ECHDC1: variants seen among roughly 807,000 people sequenced by gnomAD.
ECHDC1 encodes the protein ethylmalonyl-CoA decarboxylase.
A neutral mutation model predicts 29.7 loss-of-function variants in ECHDC1; 29 were observed. That is an observed-to-expected ratio of 0.98 (90% CI 0.73 to 1.33). The LOEUF (loss-of-function observed/expected upper bound fraction) is 1.33, where lower values mean the gene tolerates loss of function less well. Among genes scored for constraint, ECHDC1 ranks in the 40% most tolerant of loss-of-function variants. The pLI, the probability that ECHDC1 is intolerant of heterozygous loss-of-function variation, is 0.00. For missense variants in ECHDC1, 328 were observed against 350.0 expected, an observed-to-expected ratio of 0.94 and a Z score of 0.50; for synonymous variants, 126 against 123.1, an observed-to-expected ratio of 1.02 and a Z score of -0.15.
At chr6:127,342,275 T>A in intron 1 of ECHDC1, 1 of 1,414,458 alleles carries the variant, frequency 7.1e-7, no homozygotes, top group East Asian at 2.5e-5. Context: ...AAAGATAATA[T>A]TCTTAAGACT....
At position 127,289,892 on chromosome 6, in the gene ECHDC1, T is replaced by G. The variant is rs1430432015; in HGVS notation, c.883A>C (p.Lys295Gln). Residue 295 changes from lysine to glutamine, a missense_variant, in exon 6 of 6, where the codon AAG becomes CAG. Physicochemically the swap from Lys to Gln is moderately conservative, Grantham distance 53 (BLOSUM62 1). Transcript: ENST00000454859. ...AATTATTTATTAAATTTTCCTTTCT[T>G]AGCAATAGCCTCTAAATTTGCAGGC... ...GGPANLEAIA[K>Q]KGKFNK The G allele has an allele frequency of 6.2e-7, 1 of 1,608,694 alleles. No homozygotes were observed. Among genetic ancestry groups the G allele is most frequent in the Non-Finnish European group, 8.5e-7 (1 of 1,177,784 alleles).
intron 1 of ECHDC1, among the ~76,000 whole-genome samples, chr6:127,337,099 A>G (rs1415417079): frequency 6.6e-6 from 1 of 152,198 alleles, no homozygotes; most frequent in African/African-American, 2.4e-5. Context: ...TTACTTTTCA[A>G]TCTGACTCTG....
chr6:127,293,504 CAA>C (rs951599230), intron 5 of ECHDC1, among the ~76,000 whole-genome samples: 1 of 152,058 alleles, frequency 6.6e-6, no homozygotes, highest in African/African-American at 2.4e-5. Context: ...AAACATGGTA[CAA>C]AGAGGAGAGG....
At chr6:127,313,442 A>T (rs1462145455) in intron 5 of ECHDC1, 3 of 367,178 alleles carry the variant, frequency 8.2e-6, no homozygotes, top group Non-Finnish European at 1.7e-5. Flanking sequence ...ACCTCAGGTG[A>T]TCTGCCTATT....
At chr6:127,338,151 T>C (rs563942839) in intron 1 of ECHDC1, among the ~76,000 whole-genome samples, 1 of 152,308 alleles carries the variant, frequency 6.6e-6, no homozygotes, top group African/African-American at 2.4e-5. Context: ...TATAGACATA[T>C]ATGCATATGT....
At chr6:127,311,669 C>CAAAAAAAAAAAAAAAAAAAAAAAAAAAA (rs71272311) in intron 5 of ECHDC1, among the ~76,000 whole-genome samples, 40 of 25,046 alleles carry the variant, frequency 1.6e-3, no homozygotes, top group Non-Finnish European at 2.5e-3. Context: ...GGCTCTGTCT[C>CAAAAAAAAAAAAAAAAAAAAAAAAAAAA]AAAAAAAAAA....
At chr6:127,292,914 T>C (rs6914921) in intron 5 of ECHDC1, among the ~76,000 whole-genome samples, 45,432 of 151,928 alleles carry the variant, frequency 0.3, 8,557 homozygotes, top group Non-Finnish European at 0.43. Context: ...TTTTGACAAG[T>C]AAAAGAATGA....
At chr6:127,330,478 G>T (rs1783820128) in intron 2 of ECHDC1, among the ~76,000 whole-genome samples, 1 of 151,982 alleles carries the variant, frequency 6.6e-6, no homozygotes, top group Non-Finnish European at 1.5e-5. Flanking sequence ...CTTTCTCCTT[G>T]TTTCCTAGTA....
At chr6:127,323,063 C>T (rs913078515) in intron 3 of ECHDC1, among the ~76,000 whole-genome samples, 4 of 151,830 alleles carry the variant, frequency 2.6e-5, no homozygotes, top group Non-Finnish European at 1.5e-5. Flanking sequence ...GTTTTGCGTA[C>T]AAAATTAATG....
intron 3 of ECHDC1, chr6:127,326,609 T>G (rs550404138): frequency 9.8e-6 from 4 of 408,450 alleles, no homozygotes; most frequent in South Asian, 6.0e-5. Flanking sequence ...ATTAAAAATA[T>G]TTTTTAAAAA....
In ECHDC1 at chr6:127,290,114, C is replaced by T; in HGVS notation, c.661G>A (p.Gly221Arg). The T allele has an allele frequency of 2.5e-6, 4 of 1,613,674 alleles. No individual in the cohort carries two copies. In the South Asian group the frequency reaches 4.4e-5, roughly 18 times the overall value. ...KLDSKNALNIGMVEEVLQSSD... is the reference protein window; with the variant it reads ...KLDSKNALNIRMVEEVLQSSD... Reference sequence around the variant, plus strand: ...GACTGCAAGACCTCTTCAACCATTCCTATGTTTAGAGCATTTTTTGAATCC... The same window carrying T: ...GACTGCAAGACCTCTTCAACCATTCTTATGTTTAGAGCATTTTTTGAATCC... The change falls in exon 6 of 6, where the codon GGA becomes AGA. Residue 221 changes from glycine (G) to arginine (R), a missense_variant. Physicochemically the swap from Gly to Arg is moderately radical, Grantham distance 125 (BLOSUM62 -2). Coordinates refer to ENST00000454859, the MANE Select transcript of ECHDC1 (RefSeq NM_001002030.2).
intron 5 of ECHDC1, among the ~76,000 whole-genome samples, chr6:127,290,981 T>C (rs539170411): frequency 6.6e-6 from 1 of 152,152 alleles, no homozygotes; most frequent in Admixed American, 6.6e-5. Flanking sequence ...CCTGAGGAAA[T>C]GAGCAATGCA....
intron 5 of ECHDC1, among the ~76,000 whole-genome samples, chr6:127,299,330 T>C (rs1482460458): frequency 6.6e-6 from 1 of 151,424 alleles, no homozygotes; most frequent in Non-Finnish European, 1.5e-5. Context: ...GATGTTCCAG[T>C]GGGGTAAGAT....
chr6:127,329,474 A>G (rs1380072891), intron 2 of ECHDC1, among the ~76,000 whole-genome samples: 1 of 152,180 alleles, frequency 6.6e-6, no homozygotes, highest in African/African-American at 2.4e-5. Flanking sequence ...TTCAATTTCT[A>G]TTTTTCCTGG....
At chr6:127,320,171 C>T (rs1782726129) in intron 3 of ECHDC1, among the ~76,000 whole-genome samples, 1 of 152,270 alleles carries the variant, frequency 6.6e-6, no homozygotes, top group Non-Finnish European at 1.5e-5. Flanking sequence ...GCACCTGCCA[C>T]CATGGCCAAG....
rs547220549 is a variant in ECHDC1, at chr6:127,323,662, A to G, written c.363+3340T>C. 4.6e-5 allele frequency among the ~76,000 whole-genome samples: 7 copies of G among 152,330 alleles called. No homozygotes were observed. The South Asian group carries it at 1.2e-3, about 27-fold the overall frequency. ...CAGCTTTCAAATCCAAGTTTATCAA[A>G]GCCAGTGTTCTGATTAACCAAAAGA... On this transcript the variant is annotated intron_variant, in intron 3 of 5. Transcript: ENST00000454859.
intron 5 of ECHDC1, among the ~76,000 whole-genome samples, chr6:127,296,648 GAATA>G (rs1277498769): frequency 1.3e-5 from 2 of 152,224 alleles, no homozygotes; most frequent in South Asian, 2.1e-4. Flanking sequence ...AGCAAAATAT[GAATA>G]AATAATTCAC....
intron 5 of ECHDC1, chr6:127,313,631 T>A (rs1164964856): frequency 2.2e-6 from 1 of 455,060 alleles, no homozygotes; most frequent in Non-Finnish European, 4.4e-6. Context: ...TCTTAATGTA[T>A]ATCCAGTATT....
intron 1 of ECHDC1, among the ~76,000 whole-genome samples, chr6:127,337,138 AT>A (rs1487636876): frequency 1.3e-5 from 2 of 152,196 alleles, no homozygotes; most frequent in Non-Finnish European, 2.9e-5. Flanking sequence ...AGAAGAAAAT[AT>A]TTAATTCCTA....
Sources: allele counts gnomAD v4.1 joint callset (sites outside exome capture counted in the v4.1 genomes callset), GRCh38; gene constraint gnomAD v4.1.1; transcripts MANE v1.5; gene names NCBI Gene and HGNC (gene_info 2026-07-23, HGNC 2026-07-21).